Variants in ALKBH1 observed in about 807,000 individuals in gnomAD.
ALKBH1 encodes the protein nucleic acid dioxygenase ALKBH1.
Under a neutral mutation model 36.6 loss-of-function variants are expected in ALKBH1, and 31 were observed. That is an observed-to-expected ratio of 0.85 (90% CI 0.64 to 1.14). The LOEUF is 1.14. ALKBH1 is among the 50% of genes most tolerant of loss of function. ALKBH1 has a pLI of 0.00. For synonymous variants in ALKBH1, 183 were observed against 186.6 expected (o/e 0.98, Z 0.16); for missense variants, 490 against 497.3 (o/e 0.99, Z 0.14).
Position 77,673,905 on chromosome 14 carries a change from C to G in ALKBH1, c.1077G>C (p.Glu359Asp), listed in dbSNP as rs1342431226. 1.9e-6 allele frequency: 3 copies of G among 1,613,982 alleles called. No individual in the cohort carries two copies. Among genetic ancestry groups the G allele is most frequent in the East Asian group, 2.2e-5 (1 of 44,888 alleles). Residue 359 changes from glutamate to aspartate, a missense_variant, in exon 6 of 6, where the codon GAG becomes GAC. Coordinates refer to ENST00000216489, the MANE Select transcript of ALKBH1 (RefSeq NM_006020.3). ...TDQNFPLEPIEDEKRDISTEG... is the reference protein window; with the variant it reads ...TDQNFPLEPIDDEKRDISTEG... ...CTGTACTGATGTCTCTTTTTTCATCCTCGATGGGTTCTAGAGGGAAATTCT... is the reference window on the plus strand; with the variant it reads ...CTGTACTGATGTCTCTTTTTTCATCGTCGATGGGTTCTAGAGGGAAATTCT...
At chr14:77,678,618 T>C (rs554252477) in intron 4 of ALKBH1, among the ~76,000 whole-genome samples, 3 of 152,228 alleles carry the variant, frequency 2.0e-5, no homozygotes, top group East Asian at 3.9e-4. Context: ...TATTTTTTTT[T>C]CATTTTATTC....
chr14:77,696,127 T>C (rs2080325496), intron 2 of ALKBH1, among the ~76,000 whole-genome samples: 1 of 152,136 alleles, frequency 6.6e-6, no homozygotes, highest in African/African-American at 2.4e-5. Flanking sequence ...TTAACTGGAA[T>C]CCTACGCATG....
chr14:77,675,962 T>C (rs2080203243), intron 4 of ALKBH1, 113 bp from the exon 5 acceptor site: 1 of 868,966 alleles, frequency 1.2e-6, no homozygotes, highest in South Asian at 1.8e-5. Flanking sequence ...CATATTAACA[T>C]ATTAACACAG....
intron 3 of ALKBH1, among the ~76,000 whole-genome samples, chr14:77,680,780 A>G (rs543609064): frequency 3.3e-5 from 5 of 149,702 alleles, no homozygotes; most frequent in Admixed American, 6.7e-5. Flanking sequence ...CCCAGGTTCA[A>G]GCAATTCTCC....
At chr14:77,687,019 T>G (rs1386373513) in intron 3 of ALKBH1, among the ~76,000 whole-genome samples, 1 of 152,262 alleles carries the variant, frequency 6.6e-6, no homozygotes, top group Non-Finnish European at 1.5e-5. Context: ...CCAATGCCAC[T>G]GTAACTGCTA....
At chr14:77,697,921 G>A (rs1555384730) in intron 2 of ALKBH1, among the ~76,000 whole-genome samples, 2 of 152,022 alleles carry the variant, frequency 1.3e-5, no homozygotes, top group Non-Finnish European at 2.9e-5. Context: ...GCTAAGGTGG[G>A]AGGATCGCTT....
At chr14:77,688,175 T>C (rs367551445) in intron 3 of ALKBH1, among the ~76,000 whole-genome samples, 65 of 152,316 alleles carry the variant, frequency 4.3e-4, no homozygotes, top group African/African-American at 1.5e-3. Flanking sequence ...TTATAATTGC[T>C]TGGTAACTAA....
chr14:77,692,106 T>TA (rs1349397057), intron 3 of ALKBH1: 2 of 152,224 alleles, frequency 1.3e-5, no homozygotes, highest in Non-Finnish European at 2.9e-5. Context: ...TAAGGCCACG[T>TA]AACACCAAAC....
chr14:77,675,183 A>G (rs1416414760), intron 5 of ALKBH1, among the ~76,000 whole-genome samples: 1 of 152,100 alleles, frequency 6.6e-6, no homozygotes, highest in Non-Finnish European at 1.5e-5. Flanking sequence ...CTGTAATCTC[A>G]GCACTTCGGG....
At chr14:77,700,934 A>G (rs181016477) in intron 2 of ALKBH1, among the ~76,000 whole-genome samples, 1 of 152,152 alleles carries the variant, frequency 6.6e-6, no homozygotes, top group African/African-American at 2.4e-5. Context: ...CAAAAAATAA[A>G]TAAAAAAAAA....
At chr14:77,696,073 C>A (rs2080325233) in intron 2 of ALKBH1, among the ~76,000 whole-genome samples, 1 of 152,174 alleles carries the variant, frequency 6.6e-6, no homozygotes. Context: ...GCCTGGGCGA[C>A]AGAGCCAGAC....
chr14:77,683,568 A>AC, intron 3 of ALKBH1: 1 of 514,580 alleles, frequency 1.9e-6, no homozygotes, highest in Non-Finnish European at 3.6e-6. Context: ...TAATGTCGAC[A>AC]ACATCATCCT....
At chr14:77,703,889 C>T (rs761259821) in intron 2 of ALKBH1, among the ~76,000 whole-genome samples, 3 of 152,166 alleles carry the variant, frequency 2.0e-5, no homozygotes, top group Admixed American at 6.5e-5. Flanking sequence ...TGAGCCACCA[C>T]GCCTGGCGAG....
intron 3 of ALKBH1, among the ~76,000 whole-genome samples, chr14:77,682,415 A>G (rs1303836678): frequency 2.0e-5 from 3 of 152,214 alleles, no homozygotes; most frequent in Admixed American, 2.0e-4. Flanking sequence ...CCAGAGTTAC[A>G]TAAGCACCTT....
intron 4 of ALKBH1, among the ~76,000 whole-genome samples, chr14:77,677,987 A>C (rs1233389507): frequency 1.4e-5 from 2 of 144,386 alleles, no homozygotes; most frequent in African/African-American, 5.2e-5. Flanking sequence ...CTGACTACTC[A>C]TTCAGTTTTT....
In ALKBH1 at chr14:77,682,559, A is replaced by C. The variant is rs374501317; in HGVS notation, c.456-2589T>G. Among the ~76,000 whole-genome samples, 62 of 152,300 alleles carry C rather than the reference A, an allele frequency of 4.1e-4. 1 individual carries two copies. In the South Asian group the frequency reaches 0.012, roughly 31 times the overall value. Reference sequence around the variant, plus strand: ...ATGATGATGATCTTATGAATATTGAAGCTATGCGTTTTTGAGGAGGGGGAA... The same window carrying C: ...ATGATGATGATCTTATGAATATTGACGCTATGCGTTTTTGAGGAGGGGGAA... On this transcript the variant is annotated intron_variant, in intron 3 of 5. Transcript: ENST00000216489.
rs201552529 is a variant in ALKBH1 at position 77,680,674 on chromosome 14, A to ACT, written c.456-706_456-705dup. On this transcript the variant is annotated intron_variant, in intron 3 of 5. Transcript: ENST00000216489. ...TCTGATCAAATCTATGTGATTAACT[A>ACT]CTCTTTTTTTTTTTTTTTTTTTGAG... Among the ~76,000 whole-genome samples the ACT allele has an allele frequency of 3.3e-4, 30 of 92,184 alleles. 3 individuals are homozygous for ACT. Among genetic ancestry groups the ACT allele is most frequent in the Admixed American group, 5.6e-4 (6 of 10,662 alleles). The allele number at this position is 92,184 out of a possible 152,430, so 60.5% of individuals were successfully genotyped here.
At chr14:77,691,634 G>C (rs899500804) in intron 3 of ALKBH1, 1 of 152,134 alleles carries the variant, frequency 6.6e-6, no homozygotes, top group African/African-American at 2.4e-5. Context: ...ACAATGTCTT[G>C]AGCATATCAA....
At position 77,676,983 on chromosome 14, in the gene ALKBH1, C is replaced by A. The variant is rs1001389470; in HGVS notation, c.547-1134G>T. 3.9e-5 allele frequency among the ~76,000 whole-genome samples: 6 copies of A among 152,080 alleles called. No homozygotes were observed. The South Asian group carries it at 1.2e-3, about 32-fold the overall frequency. ...TTCCCTGGGCTGTCTCTGTTTTTTACACCTAAGGATCACAAATATCTTTTT... is the reference window on the plus strand; with the variant it reads ...TTCCCTGGGCTGTCTCTGTTTTTTAAACCTAAGGATCACAAATATCTTTTT... On this transcript the variant is annotated intron_variant, in intron 4 of 5. Transcript: ENST00000216489.
Sources: gnomAD v4.1 joint callset for allele counts (sites outside exome capture counted in the v4.1 genomes callset) on GRCh38, gnomAD v4.1.1 for gene constraint, MANE v1.5 for transcripts, NCBI Gene and HGNC (gene_info 2026-07-23, HGNC 2026-07-21) for gene names.